Variants in PPM1H observed in about 807,000 individuals in gnomAD.
The protein encoded by PPM1H is protein phosphatase, Mg2+/Mn2+ dependent 1H, also known as protein phosphatase 1H.
PPM1H carries 27 observed loss-of-function variants against 54.9 expected under a neutral mutation model. The observed-to-expected ratio is 0.49, with a 90% confidence interval of 0.36 to 0.68. The LOEUF (loss-of-function observed/expected upper bound fraction) is 0.68. Ranked by LOEUF, PPM1H falls within the 30% of genes least tolerant of loss-of-function variation. The pLI is 0.00. For synonymous variants in PPM1H, 305 were observed against 270.8 expected (o/e 1.13, Z -1.24); for missense variants, 596 against 667.8 (o/e 0.89, Z 1.19).
intron 4 of PPM1H, among the ~76,000 whole-genome samples, chr12:62,745,544 G>A (rs1407370952): frequency 6.6e-6 from 1 of 152,110 alleles, no homozygotes; most frequent in Non-Finnish European, 1.5e-5. Context: ...TGTGCCTCAA[G>A]CACCTCTCCA....
chr12:62,832,854 T>C (rs1252348854), intron 1 of PPM1H, among the ~76,000 whole-genome samples: 1 of 152,210 alleles, frequency 6.6e-6, no homozygotes, highest in Non-Finnish European at 1.5e-5. Context: ...TTTTAACTCT[T>C]GGTCTTTTTT....
At chr12:62,730,647 A>G (rs980637503) in intron 5 of PPM1H, among the ~76,000 whole-genome samples, 12 of 152,044 alleles carry the variant, frequency 7.9e-5, no homozygotes, top group Non-Finnish European at 2.9e-5. Flanking sequence ...CGTGTACAAT[A>G]CAAAACTTTT....
intron 1 of PPM1H, among the ~76,000 whole-genome samples, chr12:62,900,480 A>G (rs895578873): frequency 2.0e-5 from 3 of 151,834 alleles, no homozygotes; most frequent in Non-Finnish European, 4.4e-5. Context: ...GCACATGTAT[A>G]CATATGTAAC....
chr12:62,683,901 T>G (rs898647743), intron 8 of PPM1H, among the ~76,000 whole-genome samples: 1 of 152,108 alleles, frequency 6.6e-6, no homozygotes, highest in African/African-American at 2.4e-5. Flanking sequence ...ATCTGGAGTT[T>G]TGGGCTGCCA....
intron 4 of PPM1H, among the ~76,000 whole-genome samples, chr12:62,774,647 A>C (rs982680592): frequency 6.6e-6 from 1 of 152,156 alleles, no homozygotes; most frequent in Non-Finnish European, 1.5e-5. Flanking sequence ...CAGCCAGGAA[A>C]CATCTGTCTC....
At chr12:62,767,431 G>A (rs1041652841) in intron 4 of PPM1H, among the ~76,000 whole-genome samples, 2 of 152,218 alleles carry the variant, frequency 1.3e-5, no homozygotes, top group South Asian at 4.1e-4. Context: ...CTCTCTGTAA[G>A]TGGGTGTTTT....
chr12:62,934,627 A>T lies in PPM1H; in HGVS notation c.110T>A (p.Leu37Gln). The T allele has an allele frequency of 1.3e-6, 2 of 1,591,504 alleles. No homozygotes were observed. Among genetic ancestry groups the T allele is most frequent in the Non-Finnish European group, 1.7e-6 (2 of 1,170,464 alleles). ...CTCTGGCCGCCCGTAGGGGAAACGC[A>T]GGGGCAGGTCCGAGCCTCCGCAGCT... is the stretch of plus-strand genomic sequence containing the variant. ...GGSCGGSDLP[L>Q]RFPYGRPEFL... The change falls in exon 1 of 10, where the codon CTG becomes CAG. Residue 37 changes from leucine to glutamine, a missense_variant. Transcript: ENST00000228705. The surrounding 1 kb of genome is among the most constrained non-coding windows in gnomAD (Gnocchi z 4.2).
chr12:62,659,302 T>C, intron 9 of PPM1H: 1 of 434,590 alleles, frequency 2.3e-6, no homozygotes, highest in South Asian at 2.4e-5. Context: ...GAGAAAAACT[T>C]ACTGCACTCA....
chr12:62,736,975 T>C (rs898817755), intron 5 of PPM1H, among the ~76,000 whole-genome samples: 11 of 152,126 alleles, frequency 7.2e-5, no homozygotes, highest in African/African-American at 2.7e-4. Context: ...AGAGAACTTA[T>C]TTTCAGGATA....
intron 1 of PPM1H, among the ~76,000 whole-genome samples, chr12:62,889,734 T>G (rs1870717940): frequency 6.6e-6 from 1 of 152,092 alleles, no homozygotes; most frequent in Admixed American, 6.6e-5. Context: ...TGCAAAAAAA[T>G]GACTCTAGAC....
intron 4 of PPM1H, among the ~76,000 whole-genome samples, chr12:62,778,868 C>T (rs1205308384): frequency 6.6e-6 from 1 of 151,834 alleles, no homozygotes; most frequent in Admixed American, 6.6e-5. Flanking sequence ...GAGTTTGAGG[C>T]TGCAGTGAGC....
chr12:62,719,346 G>C (rs534097599), intron 6 of PPM1H, among the ~76,000 whole-genome samples: 16 of 152,208 alleles, frequency 1.1e-4, no homozygotes, highest in Admixed American at 2.0e-4. Flanking sequence ...GGGAAGAAAG[G>C]GTCCATGGTC....
intron 3 of PPM1H, 119 bp from the exon 4 acceptor site, chr12:62,788,457 A>G: frequency 1.6e-6 from 1 of 638,230 alleles, no homozygotes; most frequent in Non-Finnish European, 2.7e-6. Flanking sequence ...GACTAGAAAA[A>G]TCTTTAGTGC....
chr12:62,850,260 C>A (rs1193794405), intron 1 of PPM1H, among the ~76,000 whole-genome samples: 1 of 152,152 alleles, frequency 6.6e-6, no homozygotes, highest in Non-Finnish European at 1.5e-5. Context: ...AGCCACTGTG[C>A]CTGGGCAACA....
At chr12:62,713,162 A>G (rs2076216703) in intron 6 of PPM1H, among the ~76,000 whole-genome samples, 1 of 152,208 alleles carries the variant, frequency 6.6e-6, no homozygotes, top group South Asian at 2.1e-4. Flanking sequence ...GTTGGTGAGA[A>G]GCCTGATGCT....
At chr12:62,737,916 C>T (rs1033668113) in intron 4 of PPM1H, among the ~76,000 whole-genome samples, 2 of 152,170 alleles carry the variant, frequency 1.3e-5, no homozygotes, top group African/African-American at 4.8e-5. Flanking sequence ...AGTGATGCAA[C>T]AGAGTCTTGC....
chr12:62,850,067 A>G (rs996562844), intron 1 of PPM1H, among the ~76,000 whole-genome samples: 2 of 151,924 alleles, frequency 1.3e-5, no homozygotes, highest in African/African-American at 4.8e-5. Flanking sequence ...GGCTCAAGCA[A>G]TCCTCCTCCC....
chr12:62,839,309 A>T (rs1868633358), intron 1 of PPM1H, among the ~76,000 whole-genome samples: 1 of 152,204 alleles, frequency 6.6e-6, no homozygotes, highest in South Asian at 2.1e-4. Context: ...TGGGGTCTCA[A>T]GGGCCACATT....
chr12:62,917,756 ATAT>A (rs1264014854), intron 1 of PPM1H, among the ~76,000 whole-genome samples: 1 of 151,980 alleles, frequency 6.6e-6, no homozygotes, highest in East Asian at 1.9e-4. Flanking sequence ...TCTGGAGACG[ATAT>A]TATAACCTGT....
Sources: gnomAD v4.1 joint callset for allele counts (sites outside exome capture counted in the v4.1 genomes callset) on GRCh38, gnomAD v4.1.1 for gene constraint, Gnocchi (gnomAD v3.1) non-coding constraint, MANE v1.5 for transcripts, NCBI Gene and HGNC (gene_info 2026-07-23, HGNC 2026-07-21) for gene names.